IARS1: variants seen among roughly 807,000 people sequenced by gnomAD.
IARS1 encodes the protein isoleucyl-tRNA synthetase 1, also known as isoleucine--tRNA ligase, cytoplasmic.
IARS1 carries 124 observed loss-of-function variants against 168.2 expected under a neutral mutation model. That is an observed-to-expected ratio of 0.74 (90% confidence interval 0.64 to 0.86). IARS1 has a LOEUF of 0.86. Ranked by LOEUF, IARS1 falls within the 40% of genes least tolerant of loss-of-function variation. The pLI is 0.00. For missense variants in IARS1, 1,452 were observed against 1,515.8 expected (o/e 0.96, Z 0.70); for synonymous variants, 532 against 529.4 (o/e 1.00, Z -0.07).
chr9:92,280,930 C>A, intron 6 of IARS1, 37 bp from the exon 7 acceptor site: 2 of 1,495,826 alleles, frequency 1.3e-6, no homozygotes, highest in South Asian at 2.4e-5. Flanking sequence ...TTTTAGAAAT[C>A]CACAATAACA....
At chr9:92,270,017 G>C (rs1291588830) in intron 12 of IARS1, 34 bp from the exon 13 acceptor site, 1 of 1,365,936 alleles carries the variant, frequency 7.3e-7, no homozygotes, top group East Asian at 2.3e-5. Context: ...TAGCTGCTCA[G>C]GCTGAGACTA....
At chr9:92,272,600 AG>A (rs1252360404) in intron 10 of IARS1, among the ~76,000 whole-genome samples, 7 of 152,218 alleles carry the variant, frequency 4.6e-5, no homozygotes, top group African/African-American at 1.4e-4. Context: ...CTGTAACCCC[AG>A]CACTTTGGGA....
At chr9:92,225,191 A>G (rs1252557821) in intron 31 of IARS1, among the ~76,000 whole-genome samples, 1 of 152,240 alleles carries the variant, frequency 6.6e-6, no homozygotes, top group Non-Finnish European at 1.5e-5. Flanking sequence ...TTGGACAAGG[A>G]TTTGCCACTG....
chr9:92,245,772 T>C (rs1035125655), intron 26 of IARS1, among the ~76,000 whole-genome samples: 4 of 152,002 alleles, frequency 2.6e-5, no homozygotes, highest in Non-Finnish European at 1.5e-5. Flanking sequence ...CCAGGAATTT[T>C]TTTTTTTTTT....
At chr9:92,216,857 A>C (rs1329036720) in intron 33 of IARS1, among the ~76,000 whole-genome samples, 3 of 146,848 alleles carry the variant, frequency 2.0e-5, no homozygotes, top group Non-Finnish European at 4.5e-5. Context: ...AACATTAGAC[A>C]GATCAACGAG....
At chr9:92,278,163 T>C (rs1158853871) in intron 8 of IARS1, 36 bp downstream of exon 8, 2 of 1,285,978 alleles carry the variant, frequency 1.6e-6, no homozygotes, top group South Asian at 1.2e-5. Context: ...TACAGACACA[T>C]GCACACAAAC....
chr9:92,270,958 TA>T (rs779557896), intron 12 of IARS1, 26 bp downstream of exon 12: 1 of 1,516,160 alleles, frequency 6.6e-7, no homozygotes, highest in Non-Finnish European at 9.1e-7. Context: ...AAGCTCTAGC[TA>T]CAACACAGTC....
chr9:92,238,014 T>C (rs1053660036), intron 30 of IARS1, among the ~76,000 whole-genome samples: 2 of 152,134 alleles, frequency 1.3e-5, no homozygotes, highest in Non-Finnish European at 2.9e-5. Flanking sequence ...CAAGCGATTC[T>C]CCTGTCTCAG....
At chr9:92,287,097 C>G (rs1835580239) in intron 4 of IARS1, among the ~76,000 whole-genome samples, 1 of 152,172 alleles carries the variant, frequency 6.6e-6, no homozygotes, top group Non-Finnish European at 1.5e-5. Context: ...GCAACACATG[C>G]CACCTGATAT....
intron 30 of IARS1, among the ~76,000 whole-genome samples, chr9:92,238,672 T>C (rs1009068663): frequency 6.6e-6 from 1 of 152,190 alleles, no homozygotes; most frequent in Non-Finnish European, 1.5e-5. Context: ...AAAACATATT[T>C]TAGAGTTCCA....
At chr9:92,223,755 T>C (rs1364360931) in intron 31 of IARS1, among the ~76,000 whole-genome samples, 1 of 152,234 alleles carries the variant, frequency 6.6e-6, no homozygotes, top group East Asian at 1.9e-4. Context: ...GTATTTTCTC[T>C]GTATAATACA....
In IARS1 at chr9:92,245,030, T is replaced by C. The variant is rs1407330193; in HGVS notation, c.2833A>G (p.Ile945Val). 1.2e-6 allele frequency: 2 copies of C among 1,614,236 alleles called. No individual in the cohort carries two copies. The highest frequency in any genetic ancestry group is 1.7e-6 in the Non-Finnish European group (2 of 1,180,032). ...TGATCAAAGGTGTACATGAGGCGGA[T>C]GTCTTCATCGTGCAATTCATGGCCT... The part of the protein sequence containing the change: ...VEGHELHDED[I>V]RLMYTFDQAT... Residue 945 changes from isoleucine (I) to valine (V), a missense_variant, in exon 27 of 34, where the codon ATC becomes GTC. Transcript: ENST00000443024.
chr9:92,287,599 A>C, intron 4 of IARS1, 192 bp downstream of exon 4: 1 of 482,040 alleles, frequency 2.1e-6, no homozygotes, highest in Non-Finnish European at 3.5e-6. Context: ...TAGACCAATT[A>C]AGCACACAGA....
chr9:92,269,999 C>A lies in IARS1; in HGVS notation c.1206-16G>T. On this transcript the variant is annotated splice_polypyrimidine_tract_variant and intron_variant, in intron 12 of 33. Transcript: ENST00000443024. ...AGTGTCTGATCTGGGGAAGCAGAAA[C>A]ACACACATAGCTGCTCAGGCTGAGA... is the stretch of plus-strand genomic sequence containing the variant. 1 of 1,549,704 alleles carries A rather than the reference C, an allele frequency of 6.5e-7. No homozygotes were observed. The highest frequency in any genetic ancestry group is 8.9e-7 in the Non-Finnish European group (1 of 1,121,304).
intron 33 of IARS1, among the ~76,000 whole-genome samples, chr9:92,222,194 G>A (rs1231292207): frequency 6.6e-6 from 1 of 151,664 alleles, no homozygotes; most frequent in African/African-American, 2.4e-5. Flanking sequence ...GCAGGCGCCC[G>A]TAGTCCCAGC....
At chr9:92,252,593 CCT>C (rs1349114918) in intron 21 of IARS1, among the ~76,000 whole-genome samples, 1 of 151,494 alleles carries the variant, frequency 6.6e-6, no homozygotes, top group African/African-American at 2.4e-5. Flanking sequence ...GTGGTGAAAC[CCT>C]GTCTCTGCCA....
intron 1 of IARS1, 36 bp from the exon 2 acceptor site, chr9:92,289,462 G>A: frequency 1.1e-6 from 1 of 880,274 alleles, no homozygotes; most frequent in South Asian, 1.3e-5. Flanking sequence ...TGTCAAAAGA[G>A]AAATCTAGGA....
intron 23 of IARS1, 23 bp downstream of exon 23, chr9:92,250,690 G>T: frequency 6.3e-7 from 1 of 1,581,392 alleles, no homozygotes; most frequent in Non-Finnish European, 8.6e-7. Context: ...CACAGGTGAG[G>T]CTTATTTCTA....
rs554296862 is a variant in IARS1, at chr9:92,272,676, C to T, written c.991-1021G>A. Among the ~76,000 whole-genome samples, 11 of 152,198 alleles carry T rather than the reference C, an allele frequency of 7.2e-5. No individual in the cohort carries two copies. The South Asian group carries it at 2.1e-3, about 29-fold the overall frequency. On this transcript the variant is annotated intron_variant, in intron 10 of 33. Transcript: ENST00000443024. ...ACCAGCCTGGCCAACATGGTGAAACCCTGTCTCTACTAAATTTACAAAAAA... is the reference window on the plus strand; with the variant it reads ...ACCAGCCTGGCCAACATGGTGAAACTCTGTCTCTACTAAATTTACAAAAAA...
Sources: gnomAD v4.1 joint callset for allele counts (sites outside exome capture counted in the v4.1 genomes callset) on GRCh38, gnomAD v4.1.1 for gene constraint, MANE v1.5 for transcripts, NCBI Gene and HGNC (gene_info 2026-07-23, HGNC 2026-07-21) for gene names.